FHIT: variants seen among roughly 807,000 people sequenced by gnomAD.
FHIT encodes bis(5'-adenosyl)-triphosphatase.
In FHIT, 19 loss-of-function variants were observed where a neutral mutation model predicts 17.9. The ratio of observed to expected loss-of-function variants is 1.06; its 90% CI spans 0.74 to 1.56. The LOEUF (loss-of-function observed/expected upper bound fraction) is 1.56. Among genes scored for constraint, FHIT ranks in the 40% most tolerant of loss-of-function variants. FHIT has a pLI of 0.00. For missense variants in FHIT, 248 were observed against 189.2 expected, an observed-to-expected ratio of 1.31 and a Z score of -1.82; for synonymous variants, 81 against 69.7, an observed-to-expected ratio of 1.16 and a Z score of -0.81.
intron 3 of FHIT, among the ~76,000 whole-genome samples, chr3:60,844,632 C>T (rs1702859848): frequency 6.6e-6 from 1 of 152,066 alleles, no homozygotes; most frequent in Non-Finnish European, 1.5e-5. Flanking sequence ...GCAAAGGTAG[C>T]TAATGGTTTT....
intron 4 of FHIT, among the ~76,000 whole-genome samples, chr3:60,566,265 C>G (rs1239095800): frequency 6.6e-6 from 1 of 152,014 alleles, no homozygotes; most frequent in Non-Finnish European, 1.5e-5. Context: ...TGTAGATGAT[C>G]AAGTGGGTTT....
intron 5 of FHIT, among the ~76,000 whole-genome samples, chr3:60,048,001 C>G (rs530184844): frequency 3.3e-5 from 5 of 152,288 alleles, no homozygotes; most frequent in African/African-American, 1.2e-4. Flanking sequence ...AAGATCAAGG[C>G]ATGGGCAGGT....
intron 3 of FHIT, among the ~76,000 whole-genome samples, chr3:60,889,672 A>G (rs1705410780): frequency 6.6e-6 from 1 of 152,174 alleles, no homozygotes; most frequent in Admixed American, 6.5e-5. Flanking sequence ...CTATAGCTGT[A>G]TGGGTGGTTC....
intron 5 of FHIT, among the ~76,000 whole-genome samples, chr3:60,449,427 TACAC>T (rs140706888): frequency 8.0e-5 from 12 of 149,786 alleles, no homozygotes; most frequent in South Asian, 4.2e-4. Context: ...CATATGCGCA[TACAC>T]ACACACACAC....
intron 2 of FHIT, among the ~76,000 whole-genome samples, chr3:61,076,552 C>T (rs889869210): frequency 3.3e-5 from 5 of 152,104 alleles, no homozygotes; most frequent in African/African-American, 1.2e-4. Flanking sequence ...AAAACTTTCA[C>T]CCTATTTTTA....
At chr3:59,923,588 C>T (rs981196616) in intron 7 of FHIT, among the ~76,000 whole-genome samples, 4 of 152,124 alleles carry the variant, frequency 2.6e-5, no homozygotes, top group African/African-American at 9.7e-5. Context: ...TATTGTACCT[C>T]GGCTGAAGTT....
chr3:60,586,731 C>T lies in FHIT; in HGVS notation c.-17-49752G>A, dbSNP rs532587302. 6.6e-5 allele frequency among the ~76,000 whole-genome samples: 10 copies of T among 151,948 alleles called. 1 individual carries two copies. The highest frequency in any genetic ancestry group is 2.0e-4 in the Admixed American group (3 of 15,224). ...GCTGGAGGCCATTATACTTAGAAAA[C>T]CAAAGCAAGAACAGAAAACCAAATA... On this transcript the variant is annotated intron_variant, in intron 4 of 9. Coordinates refer to ENST00000492590, the MANE Select transcript of FHIT (RefSeq NM_002012.4).
In FHIT at chr3:60,953,632, G is replaced by T. The variant is rs74733325; in HGVS notation, c.-111+88415C>A. Reference sequence around the variant, plus strand: ...GCTCCTGTTGTGCCAATTGAAAAATGCCAACATCCCTTCCCATCTCATACA... The same window carrying T: ...GCTCCTGTTGTGCCAATTGAAAAATTCCAACATCCCTTCCCATCTCATACA... On this transcript the variant is annotated intron_variant, in intron 3 of 9. Coordinates refer to ENST00000492590, the MANE Select transcript of FHIT (RefSeq NM_002012.4). Among the ~76,000 whole-genome samples, 43 of 152,204 alleles carry T rather than the reference G, an allele frequency of 2.8e-4. No homozygotes were observed. The East Asian group carries it at 7.7e-3, about 27-fold the overall frequency.
chr3:61,248,181 G>A (rs1020491535), intron 1 of FHIT, among the ~76,000 whole-genome samples: 4 of 152,160 alleles, frequency 2.6e-5, no homozygotes, highest in Non-Finnish European at 5.9e-5. Flanking sequence ...AGAGTAAACA[G>A]ATTCAATGAA....
intron 5 of FHIT, among the ~76,000 whole-genome samples, chr3:60,348,122 A>G (rs17600182): frequency 0.34 from 21,771 of 64,382 alleles, 1,675 homozygotes; most frequent in South Asian, 0.41. Context: ...TGTAAGGGCA[A>G]AAAGTATACT....
chr3:60,329,461 G>A (rs1709857731), intron 5 of FHIT, among the ~76,000 whole-genome samples: 1 of 152,174 alleles, frequency 6.6e-6, no homozygotes, highest in African/African-American at 2.4e-5. Context: ...AATGAACAAT[G>A]CAACTACTAA....
At chr3:59,948,855 T>A (rs1190019473) in intron 7 of FHIT, among the ~76,000 whole-genome samples, 3 of 152,154 alleles carry the variant, frequency 2.0e-5, no homozygotes, top group Admixed American at 6.6e-5. Flanking sequence ...TCCCCACAGT[T>A]CCATGAATAC....
intron 5 of FHIT, among the ~76,000 whole-genome samples, chr3:60,124,479 T>C (rs1419833461): frequency 6.6e-6 from 1 of 152,192 alleles, no homozygotes; most frequent in East Asian, 1.9e-4. Context: ...CATGCTCATC[T>C]GAAATAAGTG....
intron 8 of FHIT, among the ~76,000 whole-genome samples, chr3:59,914,908 A>G (rs1364799735): frequency 1.3e-5 from 2 of 152,126 alleles, no homozygotes; most frequent in African/African-American, 2.4e-5. Flanking sequence ...TTGCTTTAGC[A>G]GGTTAACTCC....
At chr3:61,081,580 G>A (rs2035138738) in intron 2 of FHIT, among the ~76,000 whole-genome samples, 1 of 152,162 alleles carries the variant, frequency 6.6e-6, no homozygotes, top group South Asian at 2.1e-4. Context: ...CATCCACCCA[G>A]ATATTCCTCC....
chr3:59,848,867 C>A (rs1216825028), intron 8 of FHIT, among the ~76,000 whole-genome samples: 1 of 152,190 alleles, frequency 6.6e-6, no homozygotes. Flanking sequence ...ATTTCAGAGT[C>A]CCTGTCTCTC....
chr3:59,792,031 TA>T, intron 8 of FHIT, among the ~76,000 whole-genome samples: 1 of 51,986 alleles, frequency 1.9e-5, no homozygotes, highest in Non-Finnish European at 5.7e-5. Flanking sequence ...ATGGCTATGG[TA>T]GTCTATGTCT....
Position 60,229,657 on chromosome 3 carries a change from T to C in FHIT, c.104-215505A>G, listed in dbSNP as rs142780281. ...GTAACTGGGCTGAGAAAAAACATTA[T>C]GTAGATGAACTTTTGAGAGTTTCTA... On this transcript the variant is annotated intron_variant, in intron 5 of 9. Coordinates refer to ENST00000492590, the MANE Select transcript of FHIT (RefSeq NM_002012.4). 8.7e-3 allele frequency among the ~76,000 whole-genome samples: 1,320 copies of C among 152,228 alleles called. 12 individuals are homozygous for C. The highest frequency in any genetic ancestry group is 0.044 in the Middle Eastern group (13 of 294).
intron 3 of FHIT, among the ~76,000 whole-genome samples, chr3:60,874,864 G>A (rs1311985616): frequency 6.6e-6 from 1 of 152,142 alleles, no homozygotes; most frequent in Non-Finnish European, 1.5e-5. Flanking sequence ...GAAATAGGAA[G>A]GTCTGTGTTT....
Sources: gnomAD v4.1 joint callset for allele counts (sites outside exome capture counted in the v4.1 genomes callset) on GRCh38, gnomAD v4.1.1 for gene constraint, MANE v1.5 for transcripts, NCBI Gene and HGNC (gene_info 2026-07-23, HGNC 2026-07-21) for gene names.